The following FNDC1 variants were observed in gnomAD, a reference collection of about 807,000 sequenced individuals.
FNDC1 encodes the protein fibronectin type III domain-containing protein 1.
Under a neutral mutation model 168.0 loss-of-function variants are expected in FNDC1, and 96 were observed. The ratio of observed to expected loss-of-function variants is 0.57; its 90% CI spans 0.48 to 0.68. The LOEUF (loss-of-function observed/expected upper bound fraction) is 0.68. FNDC1 is among the 30% of genes least tolerant of loss of function. The probability of loss-of-function intolerance (pLI) is 0.00; values close to 1 mark genes in which losing one functional copy is unlikely to be tolerated. For missense variants in FNDC1, 2,587 were observed against 2,482.1 expected (o/e 1.04, Z -0.90); for synonymous variants, 1,099 against 1,025.9 (o/e 1.07, Z -1.36).
At chr6:159,191,607 T>C (rs1174108248) in intron 1 of FNDC1, among the ~76,000 whole-genome samples, 2 of 152,230 alleles carry the variant, frequency 1.3e-5, no homozygotes, top group East Asian at 1.9e-4. Flanking sequence ...AAGCTCTGTT[T>C]CAGTGCAATC....
chr6:159,256,778 T>A, intron 18 of FNDC1, 147 bp downstream of exon 18: 1 of 656,976 alleles, frequency 1.5e-6, no homozygotes, highest in East Asian at 2.6e-5. Context: ...AATGCATGCT[T>A]ACCATATGTC....
In FNDC1 at chr6:159,180,947, T is replaced by C. The variant is rs183279776; in HGVS notation, c.109+11242T>C. Among the ~76,000 whole-genome samples, 316 of 152,296 alleles carry C rather than the reference T, an allele frequency of 2.1e-3. 1 individual carries two copies. The highest frequency in any genetic ancestry group is 7.4e-3 in the African/African-American group (309 of 41,544). ...AATAGTGCTGCAATGAACATACGTG[T>C]GCATGTATCTTTATAATAGAATTAT... is the stretch of plus-strand genomic sequence containing the variant. On this transcript the variant is annotated intron_variant, in intron 1 of 22. Transcript: ENST00000297267.
At position 159,234,371 on chromosome 6, in the gene FNDC1, C is replaced by A. The variant is rs201797201; in HGVS notation, c.3859C>A (p.Pro1287Thr). The change falls in exon 11 of 23, where the codon CCT becomes ACT. Residue 1287 changes from proline (P) to threonine (T), a missense_variant. Coordinates refer to ENST00000297267, the MANE Select transcript of FNDC1 (RefSeq NM_032532.3). ...GCCGCAGTACACCACGCGCGCCCCA[C>A]CTGGCCACTTCTCCACCACCCCGAT... The part of the protein sequence containing the change: ...PWPQYTTRAP[P>T]GHFSTTPMLS... 2,678 of 1,613,050 alleles carry A rather than the reference C, an allele frequency of 1.7e-3. 4 individuals carry two copies. Among genetic ancestry groups the A allele is most frequent in the Middle Eastern group, 3.5e-3 (21 of 6,062 alleles).
intron 12 of FNDC1, among the ~76,000 whole-genome samples, chr6:159,238,097 CTTTTT>C (rs61358656): frequency 1.6e-4 from 21 of 135,072 alleles, no homozygotes; most frequent in Non-Finnish European, 1.1e-4. Context: ...CTGTTTTGTA[CTTTTT>C]TTTTTTTTTT....
At chr6:159,266,304 C>G in intron 21 of FNDC1, 59 bp downstream of exon 21, 1 of 1,569,986 alleles carries the variant, frequency 6.4e-7, no homozygotes, top group Non-Finnish European at 8.8e-7. Flanking sequence ...TTATCAAGTA[C>G]AAACTTGGCA....
chr6:159,263,182 A>G (rs1283567858), intron 19 of FNDC1, among the ~76,000 whole-genome samples: 1 of 152,136 alleles, frequency 6.6e-6, no homozygotes, highest in Non-Finnish European at 1.5e-5. Context: ...TTCAGTTCAG[A>G]GCAGGGGAGC....
At chr6:159,268,017 C>G in intron 22 of FNDC1, 91 bp downstream of exon 22, 1 of 1,385,516 alleles carries the variant, frequency 7.2e-7, no homozygotes, top group Non-Finnish European at 9.9e-7. Context: ...CTGCCTTTGC[C>G]TTGTCATTCG....
rs1782068725 is a variant in FNDC1, at chr6:159,188,932, A to G, written c.110-8499A>G. On this transcript the variant is annotated intron_variant, in intron 1 of 22. Coordinates refer to ENST00000297267, the MANE Select transcript of FNDC1 (RefSeq NM_032532.3). Reference sequence around the variant, plus strand: ...CCACCTGGCTAATTTTTGTATTTTTAGTAGAGACAGGGTTTCACCATGTTG... The same window carrying G: ...CCACCTGGCTAATTTTTGTATTTTTGGTAGAGACAGGGTTTCACCATGTTG... Among the ~76,000 whole-genome samples, 9 of 151,892 alleles carry G rather than the reference A, an allele frequency of 5.9e-5. No individual in the cohort carries two copies. In the South Asian group the frequency reaches 1.9e-3, roughly 32 times the overall value.
chr6:159,269,000 A>ATCCG (rs2115036183), intron 22 of FNDC1, among the ~76,000 whole-genome samples: 1 of 145,380 alleles, frequency 6.9e-6, no homozygotes, highest in African/African-American at 2.5e-5. Flanking sequence ...TTATCCATCC[A>ATCCG]TCCATCCATC....
At chr6:159,230,635 G>C (rs960108426) in intron 10 of FNDC1, among the ~76,000 whole-genome samples, 1 of 152,178 alleles carries the variant, frequency 6.6e-6, no homozygotes, top group African/African-American at 2.4e-5. Flanking sequence ...TTACCTGATC[G>C]ATATCCAAAC....
chr6:159,219,640 A>G (rs1782781897), intron 5 of FNDC1, among the ~76,000 whole-genome samples: 1 of 152,176 alleles, frequency 6.6e-6, no homozygotes, highest in African/African-American at 2.4e-5. Flanking sequence ...GAGAGCTGTC[A>G]TTGTGTTTAC....
chr6:159,184,948 G>C (rs1051698030), intron 1 of FNDC1, among the ~76,000 whole-genome samples: 1 of 151,814 alleles, frequency 6.6e-6, no homozygotes, highest in Non-Finnish European at 1.5e-5. Flanking sequence ...CCCAACTATA[G>C]GCATTTGCTC....
In FNDC1 at chr6:159,248,921, G is replaced by GTCTGTC. The variant is rs548479111; in HGVS notation, c.4691-117_4691-116insCTGTCT. 1.6e-5 allele frequency: 8 copies of GTCTGTC among 508,012 alleles called. No homozygotes were observed. The East Asian group carries it at 2.5e-4, about 16-fold the overall frequency. 31.5% of individuals were successfully genotyped at this position (508,012 alleles called of 1,614,324 possible). On this transcript the variant is annotated intron_variant, in intron 15 of 22. Transcript: ENST00000297267. The stretch of plus-strand genomic sequence containing the variant: ...TTTATTTTAGGGTGTGTGTGTGTGT[G>GTCTGTC]TGTCTGTCTGTCTGTCTGGGTTTCA...
intron 1 of FNDC1, among the ~76,000 whole-genome samples, chr6:159,192,494 G>T (rs185271134): frequency 9.9e-5 from 15 of 152,258 alleles, no homozygotes; most frequent in African/African-American, 3.6e-4. Context: ...TCCCTTGAGA[G>T]GAAGCATGCC....
intron 22 of FNDC1, among the ~76,000 whole-genome samples, chr6:159,269,044 GTATC>G (rs1296710642): frequency 5.9e-4 from 30 of 51,198 alleles, no homozygotes; most frequent in East Asian, 1.7e-3. Flanking sequence ...CCACCTCTAG[GTATC>G]TATCTATCTG....
At position 159,232,353 on chromosome 6, in the gene FNDC1, C is replaced by A. The variant is rs767784916; in HGVS notation, c.1841C>A (p.Pro614His). Residue 614 changes from proline to histidine, a missense_variant, in exon 11 of 23, where the codon CCC becomes CAC. Coordinates refer to ENST00000297267, the MANE Select transcript of FNDC1 (RefSeq NM_032532.3). The surrounding 1 kb of genome is among the most constrained non-coding windows in gnomAD (Gnocchi z 4.9). Reference protein sequence around the residue: ...LATQPRPGAPPSASASPAHHA... With the variant: ...LATQPRPGAPHSASASPAHHA... ...ACGCAGCCCCGCCCAGGGGCGCCCCCCTCGGCTTCGGCCTCTCCTGCCCAC... is the reference window on the plus strand; with the variant it reads ...ACGCAGCCCCGCCCAGGGGCGCCCCACTCGGCTTCGGCCTCTCCTGCCCAC... 1.9e-5 allele frequency: 30 copies of A among 1,613,484 alleles called. No homozygotes were observed. The highest frequency in any genetic ancestry group is 2.5e-5 in the Non-Finnish European group (30 of 1,179,740).
At chr6:159,202,788 C>A (rs1353848538) in intron 4 of FNDC1, among the ~76,000 whole-genome samples, 1 of 152,186 alleles carries the variant, frequency 6.6e-6, no homozygotes, top group African/African-American at 2.4e-5. Context: ...GACAAGGGAT[C>A]ACCTCAATGA....
rs769997279 is a variant in FNDC1, at chr6:159,236,292, A to G, written c.4045A>G (p.Asn1349Asp). ...AAAACCGAATGGACAGAGAATTATC[A>G]ATGGCCCTCAAGGAACAAAGTGGGT... ...NGKPNGQRII[N>D]GPQGTKWVVD... Residue 1349 changes from asparagine to aspartate, a missense_variant, in exon 12 of 23, where the codon AAT becomes GAT. Transcript: ENST00000297267. 1.2e-6 allele frequency: 2 copies of G among 1,613,346 alleles called. No homozygotes were observed. The highest frequency in any genetic ancestry group is 1.7e-6 in the Non-Finnish European group (2 of 1,179,568).
intron 13 of FNDC1, 30 bp from the exon 14 acceptor site, chr6:159,239,486 GT>G: frequency 6.5e-7 from 1 of 1,538,572 alleles, no homozygotes; most frequent in Admixed American, 2.0e-5. Flanking sequence ...GCTTCACCTT[GT>G]TGCATAGCTA....
Sources: allele counts gnomAD v4.1 joint callset (sites outside exome capture counted in the v4.1 genomes callset), GRCh38; gene constraint gnomAD v4.1.1; non-coding constraint Gnocchi (gnomAD v3.1); transcripts MANE v1.5; gene names NCBI Gene and HGNC (gene_info 2026-07-23, HGNC 2026-07-21).